The following SEMA5B variants were observed in gnomAD, a reference collection of about 807,000 sequenced individuals.
SEMA5B encodes semaphorin-5B.
Under a neutral mutation model 135.0 loss-of-function variants are expected in SEMA5B, and 66 were observed. The observed-to-expected ratio is 0.49, with a 90% CI of 0.40 to 0.60. The LOEUF (loss-of-function observed/expected upper bound fraction) is 0.60, where lower values mean the gene tolerates loss of function less well. Among genes scored for constraint, SEMA5B ranks in the 20% least tolerant of loss-of-function variants. The pLI is 0.00. For synonymous variants in SEMA5B, 690 were observed against 639.5 expected, an observed-to-expected ratio of 1.08 and a Z score of -1.19; for missense variants, 1,501 against 1,566.3, an observed-to-expected ratio of 0.96 and a Z score of 0.70.
intron 1 of SEMA5B, among the ~76,000 whole-genome samples, chr3:122,984,996 G>A (rs1194624379): frequency 6.6e-6 from 1 of 152,038 alleles, no homozygotes; most frequent in Non-Finnish European, 1.5e-5. Context: ...TCTAGGATAG[G>A]GTATTTTTAT....
At chr3:123,020,586 G>T (rs1201109856) in intron 1 of SEMA5B, among the ~76,000 whole-genome samples, 1 of 152,182 alleles carries the variant, frequency 6.6e-6, no homozygotes, top group South Asian at 2.1e-4. Flanking sequence ...AGGGTTGAGG[G>T]CTAAGAGGTT....
At chr3:123,004,150 G>A (rs1942249093) in intron 1 of SEMA5B, among the ~76,000 whole-genome samples, 1 of 152,230 alleles carries the variant, frequency 6.6e-6, no homozygotes, top group African/African-American at 2.4e-5. Flanking sequence ...TACTCCGGGA[G>A]GAGGTGTGGA....
chr3:122,974,686 AG>A (rs1941251562), intron 1 of SEMA5B, among the ~76,000 whole-genome samples: 2 of 151,994 alleles, frequency 1.3e-5, no homozygotes, highest in African/African-American at 4.8e-5. Context: ...GGTCTTTAAG[AG>A]AAGCACAGTG....
chr3:123,002,063 G>A (rs1330645207), intron 1 of SEMA5B, among the ~76,000 whole-genome samples: 1 of 152,202 alleles, frequency 6.6e-6, no homozygotes, highest in East Asian at 1.9e-4. Context: ...AGAATAGGCT[G>A]TGCATCCTAG....
intron 1 of SEMA5B, among the ~76,000 whole-genome samples, chr3:122,973,005 C>T (rs1386988659): frequency 3.9e-5 from 6 of 152,222 alleles, no homozygotes; most frequent in African/African-American, 1.4e-4. Context: ...AGCCTGGAAA[C>T]TGTGGGAGAA....
At chr3:122,921,320 A>G (rs1041031602) in intron 12 of SEMA5B, among the ~76,000 whole-genome samples, 5 of 152,190 alleles carry the variant, frequency 3.3e-5, no homozygotes, top group African/African-American at 1.2e-4. Flanking sequence ...CACTGATGCC[A>G]CAGTTGTCAA....
At position 122,909,974 on chromosome 3, in the gene SEMA5B, TG is replaced by T; in HGVS notation, c.*168del. The stretch of plus-strand genomic sequence containing the variant: ...AGCCTGAAACCAGCCCTTTCCCCCA[TG>T]GTCAATGCCAGCCAGAGCTCTCTGA... On this transcript the variant is annotated 3_prime_UTR_variant, in exon 23 of 23. Transcript: ENST00000357599. 1 of 673,406 alleles carries T rather than the reference TG, an allele frequency of 1.5e-6. No individual in the cohort carries two copies. Among genetic ancestry groups the T allele is most frequent in the Non-Finnish European group, 2.5e-6 (1 of 398,262 alleles). 41.7% of individuals were successfully genotyped at this position (673,406 alleles called of 1,614,324 possible). A position where few individuals can be genotyped will look rare whatever the true frequency, so the allele number is the denominator to read the frequency against.
intron 11 of SEMA5B, 35 bp downstream of exon 11, chr3:122,922,205 C>A (rs750219156): frequency 1.1e-5 from 17 of 1,589,382 alleles, no homozygotes; most frequent in Middle Eastern, 3.3e-4. Flanking sequence ...AACCCACCCC[C>A]GACCTGCAGT....
intron 20 of SEMA5B, 82 bp from the exon 21 acceptor site, chr3:122,911,617 G>A: frequency 1.4e-6 from 2 of 1,417,342 alleles, no homozygotes; most frequent in Non-Finnish European, 1.9e-6. Flanking sequence ...AGCCTGGGAG[G>A]ACCTCTAGGT....
intron 12 of SEMA5B, among the ~76,000 whole-genome samples, chr3:122,920,077 A>G (rs78169020): frequency 0.05 from 7,628 of 152,208 alleles, 250 homozygotes; most frequent in Middle Eastern, 0.11. Context: ...CTGATACATG[A>G]CAGTGCTGTT....
chr3:123,022,087 T>C lies in SEMA5B; in HGVS notation c.-39+5377A>G, dbSNP rs565788896. Among the ~76,000 whole-genome samples the C allele has an allele frequency of 2.8e-4, 43 of 152,318 alleles. 1 individual carries two copies. The highest frequency in any genetic ancestry group is 2.5e-3 in the Admixed American group (38 of 15,296). On this transcript the variant is annotated intron_variant, in intron 1 of 22. Coordinates refer to ENST00000357599, the MANE Select transcript of SEMA5B (RefSeq NM_001031702.4). ...CAATATCCATTCAAAACCACTGACT[T>C]GAGGGCCAGAAAGGGCTTTAAGATT...
chr3:122,930,202 C>G (rs1394070061), intron 5 of SEMA5B, among the ~76,000 whole-genome samples: 1 of 152,234 alleles, frequency 6.6e-6, no homozygotes, highest in African/African-American at 2.4e-5. Flanking sequence ...GGAGAGCGAG[C>G]AGCAGACCTC....
At chr3:122,929,905 T>C (rs1938871400) in intron 5 of SEMA5B, among the ~76,000 whole-genome samples, 1 of 152,196 alleles carries the variant, frequency 6.6e-6, no homozygotes, top group African/African-American at 2.4e-5. Context: ...ATTCTGCCTC[T>C]ACTCTCTCTG....
At chr3:122,967,435 T>C (rs1440809058) in intron 1 of SEMA5B, among the ~76,000 whole-genome samples, 1 of 152,192 alleles carries the variant, frequency 6.6e-6, no homozygotes, top group East Asian at 1.9e-4. Flanking sequence ...CTGCCCCATT[T>C]GTGGGTGGGT....
intron 2 of SEMA5B, among the ~76,000 whole-genome samples, chr3:122,960,558 G>C (rs1023379362): frequency 2.0e-5 from 3 of 152,128 alleles, no homozygotes; most frequent in Admixed American, 2.0e-4. Context: ...TAGCCAAAAG[G>C]CAGAAGTAAC....
chr3:122,952,698 C>T (rs1048649160), intron 2 of SEMA5B, among the ~76,000 whole-genome samples: 1 of 152,202 alleles, frequency 6.6e-6, no homozygotes, highest in African/African-American at 2.4e-5. Flanking sequence ...CTGCCTGCAC[C>T]TCCACATTTG....
At chr3:122,976,026 G>A (rs1012591554) in intron 1 of SEMA5B, 36 of 1,534,620 alleles carry the variant, frequency 2.3e-5, no homozygotes, top group Non-Finnish European at 2.9e-5. Context: ...CTGCTTGCCC[G>A]TCCCTGTAGA....
In SEMA5B at chr3:122,928,669, A is replaced by G. The variant is rs1200422086; in HGVS notation, c.538-54T>C. On this transcript the variant is annotated intron_variant, in intron 6 of 22. Coordinates refer to ENST00000357599, the MANE Select transcript of SEMA5B (RefSeq NM_001031702.4). ...CACAGCTCTCCAGGTGCGATGCTGG[A>G]TATCTCACGCTCACACCACTGCGTC... The G allele has an allele frequency of 3.9e-6, 5 of 1,287,286 alleles. No individual in the cohort carries two copies. In the African/African-American group the frequency reaches 5.9e-5, roughly 15 times the overall value. 79.7% of individuals were successfully genotyped at this position (1,287,286 alleles called of 1,614,324 possible).
intron 1 of SEMA5B, among the ~76,000 whole-genome samples, chr3:122,983,112 C>T (rs1283220951): frequency 3.3e-5 from 5 of 152,178 alleles, no homozygotes; most frequent in Admixed American, 3.3e-4. Context: ...ACCTGCAGCA[C>T]TCCTCAACCT....
Sources: allele counts gnomAD v4.1 joint callset (sites outside exome capture counted in the v4.1 genomes callset), GRCh38; gene constraint gnomAD v4.1.1; transcripts MANE v1.5; gene names NCBI Gene and HGNC (gene_info 2026-07-23, HGNC 2026-07-21).